Variants in INSL6 observed in about 807,000 individuals in gnomAD.
INSL6 encodes insulin like 6, also known as insulin-like peptide INSL6.
Under a neutral mutation model 9.4 loss-of-function variants are expected in INSL6, and 16 were observed. That is an observed-to-expected ratio of 1.70 (90% CI 1.15 to 2.59). The LOEUF (loss-of-function observed/expected upper bound fraction) is 2.59, where lower values mean the gene tolerates loss of function less well. Ranked by LOEUF, INSL6 falls within the 30% of genes most tolerant of loss-of-function variation. The probability of loss-of-function intolerance (pLI) is 0.00; values close to 1 mark genes in which losing one functional copy is unlikely to be tolerated. For missense variants in INSL6, 391 were observed against 257.3 expected (o/e 1.52, Z -3.56); for synonymous variants, 154 against 96.9 (o/e 1.59, Z -3.46).
chr9:5,123,248 T>A (rs1564027221), downstream of INSL6: 10 of 573,976 alleles, frequency 1.7e-5, no homozygotes, highest in Non-Finnish European at 3.2e-5. Flanking sequence ...GCTTTTAGGG[T>A]ATCCACCACC....
At chr9:5,178,062 G>C (rs183816763) in intron 1 of INSL6, among the ~76,000 whole-genome samples, 2 of 152,240 alleles carry the variant, frequency 1.3e-5, no homozygotes, top group East Asian at 3.9e-4. Flanking sequence ...TTTTAGTAGA[G>C]ACAGGGTTTG....
At chr9:5,033,339 T>A in the INSL6 span, among the ~76,000 whole-genome samples, 1 of 152,188 alleles carries the variant, frequency 6.6e-6, no homozygotes, top group Admixed American at 6.5e-5. Context: ...CAGGAGAACT[T>A]CCCTAATCTA....
chr9:5,033,547 A>G, the INSL6 span, among the ~76,000 whole-genome samples: 1 of 152,240 alleles, frequency 6.6e-6, no homozygotes, highest in Non-Finnish European at 1.5e-5. Flanking sequence ...ATCTCTTGGC[A>G]GAAACTCTAC....
At chr9:5,094,746 G>A in the INSL6 span, 2 of 152,078 alleles carry the variant, frequency 1.3e-5, no homozygotes, top group African/African-American at 4.8e-5. Flanking sequence ...CTTCTTTATA[G>A]CAGAATATAT....
the INSL6 span, among the ~76,000 whole-genome samples, chr9:5,068,826 C>T: frequency 1.3e-5 from 2 of 152,090 alleles, no homozygotes; most frequent in South Asian, 4.1e-4. Context: ...ACTTTTAAAC[C>T]ACTTTTGTAG....
the INSL6 span, chr9:5,090,420 CATT>C: frequency 8.8e-6 from 13 of 1,480,868 alleles, no homozygotes. Context: ...CAGAGTAAAA[CATT>C]ATTTCCACCT....
downstream of INSL6, among the ~76,000 whole-genome samples, chr9:5,161,660 G>A (rs962733806): frequency 2.0e-5 from 3 of 152,116 alleles, no homozygotes; most frequent in Admixed American, 1.3e-4. Context: ...CTTATTTACA[G>A]GTGCTATGAT....
chr9:5,033,000 A>G, the INSL6 span, among the ~76,000 whole-genome samples: 1 of 152,236 alleles, frequency 6.6e-6, no homozygotes. Flanking sequence ...AACCTTGAAA[A>G]AAAATTAGAC....
At chr9:5,045,985 C>T in the INSL6 span, among the ~76,000 whole-genome samples, 2 of 152,132 alleles carry the variant, frequency 1.3e-5, no homozygotes, top group Admixed American at 6.5e-5. Context: ...AGTGGCTGCA[C>T]TATTTTTCAG....
chr9:5,053,453 T>TA, the INSL6 span, among the ~76,000 whole-genome samples: 3 of 152,120 alleles, frequency 2.0e-5, no homozygotes, highest in Non-Finnish European at 4.4e-5. Flanking sequence ...TTCCTGAAGG[T>TA]ATCATTTGTA....
chr9:5,167,373 G>C (rs1825078909), intron 1 of INSL6, among the ~76,000 whole-genome samples: 1 of 152,230 alleles, frequency 6.6e-6, no homozygotes, highest in Non-Finnish European at 1.5e-5. Flanking sequence ...GAGACCACGA[G>C]TTCCTGGGGG....
the INSL6 span, among the ~76,000 whole-genome samples, chr9:4,995,327 C>A: frequency 1.3e-5 from 2 of 152,084 alleles, no homozygotes; most frequent in African/African-American, 4.8e-5. Context: ...CTTTTTGATT[C>A]TGTAGATAGT....
the INSL6 span, chr9:5,054,903 T>G: frequency 6.7e-7 from 1 of 1,498,014 alleles, no homozygotes; most frequent in Non-Finnish European, 9.0e-7. This position sits in a 1 kb window ranked among gnomAD's most constrained non-coding sequence, Gnocchi z 4.9. Flanking sequence ...TAATGATATG[T>G]TCTTGTTCTT....
the INSL6 span, among the ~76,000 whole-genome samples, chr9:5,001,559 CT>C: frequency 6.6e-6 from 1 of 151,700 alleles, no homozygotes; most frequent in African/African-American, 2.4e-5. Context: ...GTGTTCTGAC[CT>C]TTTTATATGC....
chr9:5,125,348 T>C (rs1823908247), intron 3 of INSL6, among the ~76,000 whole-genome samples: 1 of 151,388 alleles, frequency 6.6e-6, no homozygotes, highest in Admixed American at 6.6e-5. Flanking sequence ...TAATTTACTG[T>C]ATTAGAAAAA....
chr9:5,036,512 C>G, the INSL6 span, among the ~76,000 whole-genome samples: 2 of 152,198 alleles, frequency 1.3e-5, no homozygotes, highest in African/African-American at 2.4e-5. Context: ...CAGCATGGTA[C>G]TGGTATCAAA....
At chr9:5,106,936 C>T in the INSL6 span, among the ~76,000 whole-genome samples, 5 of 152,100 alleles carry the variant, frequency 3.3e-5, no homozygotes, top group East Asian at 3.8e-4. Context: ...ATGTAAATGA[C>T]GAGTTAATGG....
At chr9:5,001,905 T>C in the INSL6 span, among the ~76,000 whole-genome samples, 1 of 152,042 alleles carries the variant, frequency 6.6e-6, no homozygotes, top group South Asian at 2.1e-4. Context: ...GTTTTGGTAA[T>C]TTTTGTCTTT....
chr9:5,145,116 A>G (rs1033212752), intron 2 of INSL6, among the ~76,000 whole-genome samples: 6 of 152,088 alleles, frequency 3.9e-5, no homozygotes, highest in Non-Finnish European at 5.9e-5. Context: ...TTTCCTTTCC[A>G]TATTTAGTCC....
Sources: gnomAD v4.1 joint callset for allele counts (sites outside exome capture counted in the v4.1 genomes callset) on GRCh38, gnomAD v4.1.1 for gene constraint, Gnocchi (gnomAD v3.1) non-coding constraint, MANE v1.5 for transcripts, NCBI Gene and HGNC (gene_info 2026-07-23, HGNC 2026-07-21) for gene names.